The following DOCK10 variants were observed in gnomAD, a reference collection of about 807,000 sequenced individuals.
DOCK10 encodes dedicator of cytokinesis 10.
DOCK10 carries 145 observed loss-of-function variants against 280.1 expected under a neutral mutation model. That is an observed-to-expected ratio of 0.52 (90% CI 0.45 to 0.59). The LOEUF is 0.59. DOCK10 is among the 20% of genes least tolerant of loss of function. DOCK10 has a pLI of 0.00. For missense variants in DOCK10, 2,368 were observed against 2,651.7 expected, an observed-to-expected ratio of 0.89 and a Z score of 2.35; for synonymous variants, 915 against 942.2, an observed-to-expected ratio of 0.97 and a Z score of 0.53.
At chr2:225,033,336 C>T (rs1282781898) in intron 1 of DOCK10, among the ~76,000 whole-genome samples, 1 of 152,024 alleles carries the variant, frequency 6.6e-6, no homozygotes, top group Non-Finnish European at 1.5e-5. Flanking sequence ...GTGCATGCCA[C>T]CACGCCCGGC....
chr2:224,984,371 C>G (rs1264818309), intron 1 of DOCK10, among the ~76,000 whole-genome samples: 1 of 152,238 alleles, frequency 6.6e-6, no homozygotes, highest in Non-Finnish European at 1.5e-5. Flanking sequence ...CTTTTGGAAT[C>G]AGATGTTTTG....
intron 7 of DOCK10, 28 bp downstream of exon 7, chr2:224,885,643 C>A: frequency 6.5e-7 from 1 of 1,536,632 alleles, no homozygotes; most frequent in South Asian, 1.3e-5. Context: ...AAAAAAAATC[C>A]CAAGGAGGAA....
chr2:224,871,814 C>A (rs1698307603), intron 11 of DOCK10, among the ~76,000 whole-genome samples: 1 of 152,210 alleles, frequency 6.6e-6, no homozygotes, highest in Non-Finnish European at 1.5e-5. Context: ...GTAACCCTTT[C>A]CTGAATTCCT....
At chr2:224,911,382 G>A (rs1369892758) in intron 3 of DOCK10, among the ~76,000 whole-genome samples, 1 of 152,208 alleles carries the variant, frequency 6.6e-6, no homozygotes, top group African/African-American at 2.4e-5. Flanking sequence ...AGAAGCTCTT[G>A]AAGCACAAGC....
chr2:224,993,541 G>C (rs938649100), intron 1 of DOCK10, among the ~76,000 whole-genome samples: 2 of 152,228 alleles, frequency 1.3e-5, no homozygotes, highest in Non-Finnish European at 2.9e-5. Context: ...GGAGAACAGA[G>C]AACCTCCTAA....
chr2:224,833,929 G>C (rs1261518867), intron 26 of DOCK10, among the ~76,000 whole-genome samples: 3 of 152,176 alleles, frequency 2.0e-5, no homozygotes, highest in Non-Finnish European at 4.4e-5. Flanking sequence ...TGGGATTACA[G>C]AGGTGAGCCA....
At chr2:225,022,815 T>C (rs1689816854) in intron 1 of DOCK10, among the ~76,000 whole-genome samples, 1 of 152,214 alleles carries the variant, frequency 6.6e-6, no homozygotes, top group Non-Finnish European at 1.5e-5. Context: ...GGGTAAAAGT[T>C]GGTATACATG....
Position 224,864,977 on chromosome 2 carries a change from C to T in DOCK10, c.1368G>A (p.Leu456=), listed in dbSNP as rs781224488. The change falls in exon 12 of 56, where the codon TTG becomes TTA. Residue 456 remains leucine, a synonymous_variant. Coordinates refer to ENST00000258390, the MANE Select transcript of DOCK10 (RefSeq NM_014689.3). ...LNHAAVRQML[L]GASVALENGN... ...CATTTTCCAAAGCCACAGAAGCCCC[C>T]AAGAGCATCTGTCTGACAGCAGCAT... is the stretch of plus-strand genomic sequence containing the variant. The T allele has an allele frequency of 8.1e-6, 13 of 1,613,728 alleles. No homozygotes were observed. Among genetic ancestry groups the T allele is most frequent in the East Asian group, 2.2e-5 (1 of 44,892 alleles).
intron 3 of DOCK10, among the ~76,000 whole-genome samples, chr2:224,908,821 A>G (rs573131793): frequency 3.3e-5 from 5 of 152,220 alleles, no homozygotes; most frequent in African/African-American, 4.8e-5. Context: ...CAATGTTATC[A>G]TACCTCCTAA....
At chr2:224,785,084 A>G (rs1259809431) in intron 50 of DOCK10, among the ~76,000 whole-genome samples, 1 of 74,284 alleles carries the variant, frequency 1.3e-5, no homozygotes, top group African/African-American at 4.4e-5. Flanking sequence ...TTCCCGACTC[A>G]TAGCATTTTC....
intron 51 of DOCK10, 113 bp downstream of exon 51, chr2:224,778,025 C>G (rs778615903): frequency 1.8e-6 from 2 of 1,085,506 alleles, no homozygotes; most frequent in Non-Finnish European, 2.6e-6. Context: ...CATCTAAAAT[C>G]GTTTTTGTAG....
intron 1 of DOCK10, among the ~76,000 whole-genome samples, chr2:224,993,573 C>T (rs1313601172): frequency 6.6e-6 from 1 of 152,174 alleles, no homozygotes; most frequent in South Asian, 2.1e-4. Context: ...TCACTGGGCT[C>T]CCAGCATTTC....
chr2:224,985,746 C>A (rs1390770788), intron 1 of DOCK10, among the ~76,000 whole-genome samples: 3 of 152,112 alleles, frequency 2.0e-5, no homozygotes, highest in Non-Finnish European at 4.4e-5. Context: ...CTGTAGACTG[C>A]CCATCCTTCT....
chr2:224,955,145 C>T (rs1703967109), intron 1 of DOCK10, among the ~76,000 whole-genome samples: 1 of 152,304 alleles, frequency 6.6e-6, no homozygotes, highest in African/African-American at 2.4e-5. Context: ...CCTCCTGTAG[C>T]CATTCAAACT....
chr2:224,920,034 G>A (rs913028036), intron 2 of DOCK10, among the ~76,000 whole-genome samples: 2 of 152,114 alleles, frequency 1.3e-5, no homozygotes, highest in African/African-American at 4.8e-5. Context: ...TGCAAAGTAA[G>A]ATAGAGCCAA....
intron 3 of DOCK10, among the ~76,000 whole-genome samples, chr2:224,899,732 G>A (rs1700186060): frequency 6.6e-6 from 1 of 151,818 alleles, no homozygotes; most frequent in Non-Finnish European, 1.5e-5. Context: ...TCATGCATAT[G>A]GCCCTCCTAC....
chr2:224,995,604 C>T (rs932435369), intron 1 of DOCK10, among the ~76,000 whole-genome samples: 1 of 152,158 alleles, frequency 6.6e-6, no homozygotes, highest in Admixed American at 6.5e-5. Flanking sequence ...TGCTTCCACT[C>T]CCTCCTCACA....
At chr2:224,871,227 T>G (rs1698261875) in intron 11 of DOCK10, among the ~76,000 whole-genome samples, 1 of 152,190 alleles carries the variant, frequency 6.6e-6, no homozygotes, top group African/African-American at 2.4e-5. Flanking sequence ...TGACCTGTAT[T>G]GTGCAAATCT....
At chr2:224,797,237 C>A in intron 42 of DOCK10, 91 bp from the exon 43 acceptor site, 1 of 1,020,544 alleles carries the variant, frequency 9.8e-7, no homozygotes, top group Non-Finnish European at 1.3e-6. Flanking sequence ...AAACAAAATC[C>A]CTCTCCTTTT....
Sources: gnomAD v4.1 joint callset for allele counts (sites outside exome capture counted in the v4.1 genomes callset) on GRCh38, gnomAD v4.1.1 for gene constraint, MANE v1.5 for transcripts, NCBI Gene and HGNC (gene_info 2026-07-23, HGNC 2026-07-21) for gene names.